DOC2A: variants seen among roughly 807,000 people sequenced by gnomAD.
DOC2A encodes double C2-like domain-containing protein alpha.
DOC2A carries 28 observed loss-of-function variants against 40.6 expected under a neutral mutation model. The observed-to-expected ratio is 0.69, with a 90% CI of 0.51 to 0.95. The LOEUF is 0.95. DOC2A is among the 40% of genes least tolerant of loss of function. The probability of loss-of-function intolerance (pLI) is 0.00; values close to 1 mark genes in which losing one functional copy is unlikely to be tolerated. For synonymous variants in DOC2A, 241 were observed against 236.9 expected (o/e 1.02, Z -0.16); for missense variants, 474 against 552.5 (o/e 0.86, Z 1.42).
At chr16:30,017,679 G>A (rs964380768) in intron 1 of DOC2A, among the ~76,000 whole-genome samples, 2 of 151,986 alleles carry the variant, frequency 1.3e-5, no homozygotes, top group Non-Finnish European at 2.9e-5. Flanking sequence ...ACCTATTGCC[G>A]GGTGCGGTGG....
In DOC2A at chr16:30,009,144, C is replaced by T. The variant is rs765691034; in HGVS notation, c.418-39G>A. ...ATGAAAGGTTCTCAATACCTGTCCT[C>T]CAGCCCCACAGGCTGGAGTCATGGG... is the stretch of plus-strand genomic sequence containing the variant. On this transcript the variant is annotated intron_variant, in intron 4 of 10. Coordinates refer to ENST00000350119, the MANE Select transcript of DOC2A (RefSeq NM_003586.3). The surrounding 1 kb of genome is among the most constrained non-coding windows in gnomAD (Gnocchi z 4.1). The T allele has an allele frequency of 6.2e-7, 1 of 1,611,228 alleles. No individual in the cohort carries two copies. Among genetic ancestry groups the T allele is most frequent in the Admixed American group, 1.7e-5 (1 of 59,990 alleles).
chr16:30,009,439 G>T lies in DOC2A; in HGVS notation c.342+39C>A. ...AATGGGCCCCCTCTGGGGGCTGCAC[G>T]CAAACCGGGCCCGGGCTTGGGTGGC... On this transcript the variant is annotated intron_variant, in intron 3 of 10. Transcript: ENST00000350119. The surrounding 1 kb of genome is among the most constrained non-coding windows in gnomAD (Gnocchi z 4.1). 6.5e-7 allele frequency: 1 copy of T among 1,545,354 alleles called. No homozygotes were observed. The highest frequency in any genetic ancestry group is 1.2e-5 in the South Asian group (1 of 83,948).
chr16:30,009,143 T>G lies in DOC2A; in HGVS notation c.418-38A>C, dbSNP rs1305432281. On this transcript the variant is annotated intron_variant, in intron 4 of 10. Transcript: ENST00000350119. The surrounding 1 kb of genome is among the most constrained non-coding windows in gnomAD (Gnocchi z 4.1). ...GATGAAAGGTTCTCAATACCTGTCC[T>G]CCAGCCCCACAGGCTGGAGTCATGG... The G allele has an allele frequency of 1.3e-6, 2 of 1,566,634 alleles. No individual in the cohort carries two copies.
upstream of DOC2A, among the ~76,000 whole-genome samples, chr16:30,014,673 C>T (rs1466968249): frequency 6.8e-6 from 1 of 146,416 alleles, no homozygotes; most frequent in Non-Finnish European, 1.5e-5. Context: ...GGCATGGTGG[C>T]TTACACCTGT....
At chr16:30,019,131 A>G (rs147899065) in intron 1 of DOC2A, among the ~76,000 whole-genome samples, 25 of 152,322 alleles carry the variant, frequency 1.6e-4, no homozygotes, top group African/African-American at 5.3e-4. Flanking sequence ...CAGCTTGGCC[A>G]ACGTGGTGAA....
Position 30,007,126 on chromosome 16 carries a change from C to T in DOC2A, c.655-36G>A, listed in dbSNP as rs1212611557. On this transcript the variant is annotated intron_variant, in intron 6 of 10. Coordinates refer to ENST00000350119, the MANE Select transcript of DOC2A (RefSeq NM_003586.3). ...AAAGAGAAGGTTCTGGAAGCCTGGCCTCCCCAGGGCCCCCTCCCCTGGCGC... is the reference window on the plus strand; with the variant it reads ...AAAGAGAAGGTTCTGGAAGCCTGGCTTCCCCAGGGCCCCCTCCCCTGGCGC... 12 of 1,613,682 alleles carry T rather than the reference C, an allele frequency of 7.4e-6. No individual in the cohort carries two copies. In the Admixed American group the frequency reaches 1.2e-4, roughly 16 times the overall value.
At chr16:30,019,685 G>A (rs972086614) in intron 1 of DOC2A, among the ~76,000 whole-genome samples, 6 of 152,194 alleles carry the variant, frequency 3.9e-5, no homozygotes, top group Non-Finnish European at 8.8e-5. Context: ...CTAACCTCAA[G>A]GAGCAGTTGC....
chr16:30,006,524 G>A lies in DOC2A; in HGVS notation c.961-15C>T, dbSNP rs899764758. The A allele has an allele frequency of 6.8e-6, 11 of 1,613,498 alleles. No homozygotes were observed. The highest frequency in any genetic ancestry group is 7.6e-6 in the Non-Finnish European group (9 of 1,179,772). On this transcript the variant is annotated splice_polypyrimidine_tract_variant and intron_variant, in intron 9 of 10. Transcript: ENST00000350119. This position sits in a 1 kb window ranked among gnomAD's most constrained non-coding sequence, Gnocchi z 6.2. ...TAGAAAAACTCCTAGGGACAAGGCC[G>A]GCCACCCGTTCGTGAGCCAGCTCCC...
At chr16:30,022,074 C>T (rs1423745826), upstream of DOC2A, among the ~76,000 whole-genome samples, 2 of 151,142 alleles carry the variant, frequency 1.3e-5, no homozygotes, top group African/African-American at 4.9e-5. Context: ...CATGGTGAAA[C>T]CCCATCTCTA....
chr16:30,011,440 CCCCCCG>C (rs1287806999), upstream of DOC2A: 1 of 983,920 alleles, frequency 1.0e-6, no homozygotes, highest in Non-Finnish European at 1.2e-6. Flanking sequence ...GGAGACCTGG[CCCCCCG>C]CCCCCGCCCG....
chr16:30,012,297 C>A (rs2070795349), upstream of DOC2A: 1 of 152,192 alleles, frequency 6.6e-6, no homozygotes, highest in African/African-American at 2.4e-5. Flanking sequence ...GCTCCAGCGC[C>A]GTCAGGACTC....
Position 30,009,314 on chromosome 16 carries a change from G to C in DOC2A, c.343-38C>G. 6.5e-7 allele frequency: 1 copy of C among 1,534,620 alleles called. No homozygotes were observed. The highest frequency in any genetic ancestry group is 8.8e-7 in the Non-Finnish European group (1 of 1,132,496). Reference sequence around the variant, plus strand: ...GCAGGGGAGAGGGCTAGAGGCTCCCGGCACCTCTCTCCATCCCTCTTGTAG... The same window carrying C: ...GCAGGGGAGAGGGCTAGAGGCTCCCCGCACCTCTCTCCATCCCTCTTGTAG... On this transcript the variant is annotated intron_variant, in intron 3 of 10. Transcript: ENST00000350119. This position sits in a 1 kb window ranked among gnomAD's most constrained non-coding sequence, Gnocchi z 4.1.
upstream of DOC2A, chr16:30,011,861 C>T (rs1454878023): frequency 6.6e-6 from 1 of 152,502 alleles, no homozygotes; most frequent in African/African-American, 2.4e-5. Flanking sequence ...CCACCCTCCC[C>T]CCTGCCATCC....
In DOC2A at chr16:30,009,526, GAGA is replaced by G. The variant is rs1567282380; in HGVS notation, c.291_293del (p.Leu98del). On this transcript the variant is annotated inframe_deletion, in exon 3 of 11. Coordinates refer to ENST00000350119, the MANE Select transcript of DOC2A (RefSeq NM_003586.3). The surrounding 1 kb of genome is among the most constrained non-coding windows in gnomAD (Gnocchi z 4.1). ...GCAGAGTGCAGGAGGCCCGGTCGTA[GAGA>G]AGGTCAAACTCCAGCGTGCCTAGGG... The G allele has an allele frequency of 1.9e-6, 3 of 1,551,562 alleles. No homozygotes were observed. Among genetic ancestry groups the G allele is most frequent in the Non-Finnish European group, 1.7e-6 (2 of 1,146,994 alleles).
In DOC2A at chr16:30,010,042, G is replaced by C. The variant is rs2070732946; in HGVS notation, c.181C>G (p.Leu61Val). The C allele has an allele frequency of 6.2e-7, 1 of 1,611,860 alleles. No homozygotes were observed. Among genetic ancestry groups the C allele is most frequent in the African/African-American group, 1.3e-5 (1 of 74,906 alleles). The change falls in exon 2 of 11, where the codon CTG becomes GTG. Residue 61 changes from leucine (L) to valine (V), a missense_variant. Leu to Val is a conservative substitution (Grantham distance 32). Transcript: ENST00000350119. This position sits in a 1 kb window ranked among gnomAD's most constrained non-coding sequence, Gnocchi z 4.2. The part of the protein sequence containing the change: ...EAPAHLVPLA[L>V]APPAALLGAT... ...CCAAGGAGGGCTGCAGGGGGGGCCA[G>C]AGCCAGGGGGACCAGATGGGCGGGG...
intron 1 of DOC2A, among the ~76,000 whole-genome samples, chr16:30,018,455 G>A (rs2070879156): frequency 6.6e-6 from 1 of 151,966 alleles, no homozygotes; most frequent in African/African-American, 2.4e-5. Flanking sequence ...CAAATTTCTC[G>A]GATTACAGGC....
chr16:30,014,456 A>T (rs191224462), upstream of DOC2A, among the ~76,000 whole-genome samples: 1 of 151,664 alleles, frequency 6.6e-6, no homozygotes, highest in African/African-American at 2.4e-5. Context: ...TAACACGGTG[A>T]AACCCCATCT....
rs2070762055 is a variant in DOC2A, at chr16:30,010,963, G to A, written c.-74C>T. On this transcript the variant is annotated 5_prime_UTR_variant, in exon 1 of 11. Transcript: ENST00000350119. This position sits in a 1 kb window ranked among gnomAD's most constrained non-coding sequence, Gnocchi z 4.2. ...CGGCGGGCGCAGGCTGGGCGGCGGC[G>A]GCCGGCGAGGAGAGCGCGGAGTCGA... is the stretch of plus-strand genomic sequence containing the variant. The A allele has an allele frequency of 2.0e-6, 2 of 1,011,536 alleles. No individual in the cohort carries two copies. Among genetic ancestry groups the A allele is most frequent in the South Asian group, 3.6e-5 (1 of 28,066 alleles). The allele number at this position is 1,011,536 out of a possible 1,614,324, so 62.7% of individuals were successfully genotyped here. A position where few individuals can be genotyped will look rare whatever the true frequency, so the allele number is the denominator to read the frequency against.
In DOC2A at chr16:30,006,453, G is replaced by A. The variant is rs138847296; in HGVS notation, c.1017C>T (p.Thr339=). The A allele has an allele frequency of 1.9e-6, 3 of 1,613,698 alleles. No individual in the cohort carries two copies. The highest frequency in any genetic ancestry group is 2.2e-5 in the East Asian group (1 of 44,814). The change falls in exon 10 of 11, where the codon ACC becomes ACT. Residue 339 remains threonine, a synonymous_variant. Coordinates refer to ENST00000350119, the MANE Select transcript of DOC2A (RefSeq NM_003586.3). This position sits in a 1 kb window ranked among gnomAD's most constrained non-coding sequence, Gnocchi z 6.2. ...STLATKTLEV[T]VWDYDIGKSN... ...ATTTGCCAATGTCATAGTCCCAGAC[G>A]GTGACTTCCAGGGTCTTGGTGGCCA...
Sources: allele counts gnomAD v4.1 joint callset (sites outside exome capture counted in the v4.1 genomes callset), GRCh38; gene constraint gnomAD v4.1.1; non-coding constraint Gnocchi (gnomAD v3.1); transcripts MANE v1.5; gene names NCBI Gene and HGNC (gene_info 2026-07-23, HGNC 2026-07-21).